Variants in HMCN1 observed in about 807,000 individuals in gnomAD.
HMCN1 encodes hemicentin 1.
HMCN1 carries 321 observed loss-of-function variants against 625.9 expected under a neutral mutation model. That is an observed-to-expected ratio of 0.51 (90% confidence interval 0.47 to 0.56). The LOEUF (loss-of-function observed/expected upper bound fraction) is 0.56. HMCN1 is among the 20% of genes least tolerant of loss of function. HMCN1 has a pLI of 0.00. For missense variants in HMCN1, 6,588 were observed against 6,887.3 expected (o/e 0.96, Z 1.54); for synonymous variants, 2,425 against 2,417.6 (o/e 1.00, Z -0.09).
Position 185,842,773 on chromosome 1 carries a change from A to T in HMCN1, c.269-3253A>T, listed in dbSNP as rs546038795. On this transcript the variant is annotated intron_variant, in intron 1 of 106. Coordinates refer to ENST00000271588, the MANE Select transcript of HMCN1 (RefSeq NM_031935.3). Reference sequence around the variant, plus strand: ...TAAAAATATCTAGGCATGTGACAACAAAGCATGCTGGGTACTGTGTGCATC... The same window carrying T: ...TAAAAATATCTAGGCATGTGACAACTAAGCATGCTGGGTACTGTGTGCATC... Among the ~76,000 whole-genome samples, 5 of 152,182 alleles carry T rather than the reference A, an allele frequency of 3.3e-5. No individual in the cohort carries two copies. The South Asian group carries it at 1.0e-3, about 32-fold the overall frequency.
chr1:185,783,280 G>A (rs1483251427), intron 1 of HMCN1, among the ~76,000 whole-genome samples: 2 of 152,102 alleles, frequency 1.3e-5, no homozygotes, highest in Non-Finnish European at 1.5e-5. Context: ...GCTTCTTTGC[G>A]ATGGGTTCAA....
At position 185,923,665 on chromosome 1, in the gene HMCN1, T is replaced by C; in HGVS notation, c.1285+12T>C. The C allele has an allele frequency of 2.5e-6, 4 of 1,588,952 alleles. No homozygotes were observed. Among genetic ancestry groups the C allele is most frequent in the Non-Finnish European group, 3.4e-6 (4 of 1,166,684 alleles). On this transcript the variant is annotated intron_variant, in intron 8 of 106. Transcript: ENST00000271588. ...TAGTATTGTCCCAGGTGAGACATCA[T>C]TTTATTCAACATTGAAATATTGACA...
At chr1:185,762,530 G>A (rs1655581003) in intron 1 of HMCN1, among the ~76,000 whole-genome samples, 1 of 152,068 alleles carries the variant, frequency 6.6e-6, no homozygotes, top group African/African-American at 2.4e-5. Flanking sequence ...AAGAAAAGTG[G>A]GGAAGCCAGA....
At chr1:185,999,147 G>C (rs1330307757) in intron 25 of HMCN1, among the ~76,000 whole-genome samples, 1 of 151,470 alleles carries the variant, frequency 6.6e-6, no homozygotes, top group South Asian at 2.1e-4. Context: ...TATATCCTGG[G>C]TTATATGTTC....
intron 2 of HMCN1, among the ~76,000 whole-genome samples, chr1:185,857,416 GCTGT>G (rs1558019087): frequency 6.6e-6 from 1 of 152,022 alleles, no homozygotes; most frequent in Admixed American, 6.6e-5. Flanking sequence ...TATTTAGGGA[GCTGT>G]CTAATTCTAT....
chr1:186,079,129 CAGCTCTCTCATCAGCAGCTCTCTCACACT>C (rs1320020703), intron 55 of HMCN1, among the ~76,000 whole-genome samples: 4 of 150,834 alleles, frequency 2.7e-5, no homozygotes, highest in Non-Finnish European at 4.4e-5. Context: ...CTCTCATCAG[CAGCTCTCTCATCAGCAGCTCTCTCACACT>C]AGCTCTCTTA....
intron 1 of HMCN1, among the ~76,000 whole-genome samples, chr1:185,803,204 G>GCAAAAAAAAAAAAAAAAAAA (rs1658921759): frequency 4.2e-5 from 1 of 23,708 alleles, no homozygotes; most frequent in East Asian, 1.2e-3. Context: ...AAAAAAAAAA[G>GCAAAAAAAAAAAAAAAAAAA]CAAAAAAAAA....
At chr1:186,050,811 T>C (rs1247635447) in intron 42 of HMCN1, among the ~76,000 whole-genome samples, 1 of 152,088 alleles carries the variant, frequency 6.6e-6, no homozygotes, top group African/African-American at 2.4e-5. Flanking sequence ...CGCTATGCCA[T>C]GTGTGGACAT....
rs1446588075 is a variant in HMCN1 at position 186,082,971 on chromosome 1, C to G, written c.8884+10C>G. ...AACCTCAATGTTCATGGTAAGAGCT[C>G]AGTTCCAAAACCATCTGTTAGGGTA... On this transcript the variant is annotated intron_variant, in intron 57 of 106. Coordinates refer to ENST00000271588, the MANE Select transcript of HMCN1 (RefSeq NM_031935.3). 1 of 1,537,032 alleles carries G rather than the reference C, an allele frequency of 6.5e-7. No homozygotes were observed. The highest frequency in any genetic ancestry group is 8.9e-7 in the Non-Finnish European group (1 of 1,121,044).
chr1:186,144,088 A>T, intron 89 of HMCN1, 85 bp from the exon 90 acceptor site: 1 of 1,264,762 alleles, frequency 7.9e-7, no homozygotes, highest in Non-Finnish European at 1.1e-6. Flanking sequence ...TAATTAGCTC[A>T]TTACTGAGTT....
Position 185,792,435 on chromosome 1 carries a change from C to G in HMCN1, c.269-53591C>G, listed in dbSNP as rs1571358052. Among the ~76,000 whole-genome samples, 5 of 152,146 alleles carry G rather than the reference C, an allele frequency of 3.3e-5. No individual in the cohort carries two copies. In the South Asian group the frequency reaches 1.0e-3, roughly 32 times the overall value. On this transcript the variant is annotated intron_variant, in intron 1 of 106. Coordinates refer to ENST00000271588, the MANE Select transcript of HMCN1 (RefSeq NM_031935.3). ...GTAGAAAATTGTTTTCTCAGAATGTCCAGGACAGGAGCTGTTTGAATTAAT... is the reference window on the plus strand; with the variant it reads ...GTAGAAAATTGTTTTCTCAGAATGTGCAGGACAGGAGCTGTTTGAATTAAT...
chr1:185,971,701 C>T (rs1267245954), intron 15 of HMCN1, among the ~76,000 whole-genome samples: 1 of 152,058 alleles, frequency 6.6e-6, no homozygotes, highest in Non-Finnish European at 1.5e-5. Context: ...ATTATGTCCT[C>T]CTAACTTGAT....
chr1:185,779,015 C>T (rs943972416), intron 1 of HMCN1, among the ~76,000 whole-genome samples: 1 of 152,164 alleles, frequency 6.6e-6, no homozygotes, highest in Non-Finnish European at 1.5e-5. Flanking sequence ...CTGTTGTTTC[C>T]TGACTTTTTA....
Position 186,128,302 on chromosome 1 carries a change from T to C in HMCN1, c.12904+11T>C. 6.2e-7 allele frequency: 1 copy of C among 1,603,544 alleles called. No individual in the cohort carries two copies. The highest frequency in any genetic ancestry group is 8.5e-7 in the Non-Finnish European group (1 of 1,171,536). On this transcript the variant is annotated intron_variant, in intron 83 of 106. Transcript: ENST00000271588. Reference sequence around the variant, plus strand: ...ACAATATTATTCCAGGTTGGTCATTTAATTCTCAAGAAGTGAATAAATACA... The same window carrying C: ...ACAATATTATTCCAGGTTGGTCATTCAATTCTCAAGAAGTGAATAAATACA...
chr1:186,062,131 A>G (rs978565631), intron 47 of HMCN1, among the ~76,000 whole-genome samples, 167 bp downstream of exon 47: 1 of 152,184 alleles, frequency 6.6e-6, no homozygotes, highest in Non-Finnish European at 1.5e-5. Context: ...TAATCAGGCA[A>G]TCGTTTGGGG....
chr1:185,909,866 G>A (rs1048497706), intron 5 of HMCN1, among the ~76,000 whole-genome samples: 1 of 151,788 alleles, frequency 6.6e-6, no homozygotes, highest in East Asian at 1.9e-4. Context: ...TTTTTAAATG[G>A]CTCACACCAA....
At chr1:186,001,907 T>C (rs1558132767) in intron 28 of HMCN1, among the ~76,000 whole-genome samples, 166 bp downstream of exon 28, 1 of 152,108 alleles carries the variant, frequency 6.6e-6, no homozygotes, top group Admixed American at 6.6e-5. Flanking sequence ...CCATATGATA[T>C]AGAAATTTTA....
chr1:185,968,197 T>C (rs563478408), intron 14 of HMCN1, among the ~76,000 whole-genome samples: 76 of 152,252 alleles, frequency 5.0e-4, no homozygotes, highest in African/African-American at 1.8e-3. Context: ...TTCATTCTTA[T>C]TATCTCAAAA....
In HMCN1 at chr1:186,144,242, C is replaced by G; in HGVS notation, c.13994C>G (p.Thr4665Arg). ...GAAAGTTGTGGGAAAGGTACTCAGA[C>G]AAGAGCAAGACTTTGTAATAACCCA... is the stretch of plus-strand genomic sequence containing the variant. The part of the protein sequence containing the change: ...CSESCGKGTQ[T>R]RARLCNNPPP... Residue 4665 changes from threonine to arginine, a missense_variant, in exon 90 of 107, where the codon ACA becomes AGA. Coordinates refer to ENST00000271588, the MANE Select transcript of HMCN1 (RefSeq NM_031935.3). 1 of 1,613,560 alleles carries G rather than the reference C, an allele frequency of 6.2e-7. No individual in the cohort carries two copies. The highest frequency in any genetic ancestry group is 8.5e-7 in the Non-Finnish European group (1 of 1,179,780).
Sources: allele counts gnomAD v4.1 joint callset (sites outside exome capture counted in the v4.1 genomes callset), GRCh38; gene constraint gnomAD v4.1.1; transcripts MANE v1.5; gene names NCBI Gene and HGNC (gene_info 2026-07-23, HGNC 2026-07-21).